Variants in COG2 observed in about 807,000 individuals in gnomAD.
COG2 encodes the protein component of oligomeric golgi complex 2.
COG2 carries 52 observed loss-of-function variants against 90.6 expected under a neutral mutation model. The observed-to-expected ratio is 0.57, with a 90% CI of 0.46 to 0.72. The LOEUF (loss-of-function observed/expected upper bound fraction) is 0.72. Among genes scored for constraint, COG2 ranks in the 30% least tolerant of loss-of-function variants. The pLI, the probability that COG2 is intolerant of heterozygous loss-of-function variation, is 0.00. For synonymous variants in COG2, 337 were observed against 320.4 expected (o/e 1.05, Z -0.55); for missense variants, 829 against 891.2 (o/e 0.93, Z 0.89).
chr1:230,687,197 G>T lies in COG2; in HGVS notation c.1578+65G>T, dbSNP rs750561221. Reference sequence around the variant, plus strand: ...AATGTTTTCACAGAAGGTAGTATGTGTAAAAGGCAAACACCACTGGGCCTT... The same window carrying T: ...AATGTTTTCACAGAAGGTAGTATGTTTAAAAGGCAAACACCACTGGGCCTT... On this transcript the variant is annotated intron_variant, in intron 13 of 17. Transcript: ENST00000366669. The T allele has an allele frequency of 5.5e-4, 803 of 1,450,942 alleles. 1 individual carries two copies. The highest frequency in any genetic ancestry group is 6.7e-4 in the Non-Finnish European group (712 of 1,058,032). The allele number at this position is 1,450,942 out of a possible 1,614,324, so 89.9% of individuals were successfully genotyped here.
At chr1:230,651,280 C>T (rs540615796) in intron 1 of COG2, among the ~76,000 whole-genome samples, 1 of 152,170 alleles carries the variant, frequency 6.6e-6, no homozygotes, top group Non-Finnish European at 1.5e-5. Context: ...TACTTTTTGA[C>T]GTTCAGCATG....
Position 230,664,540 on chromosome 1 carries a change from C to A in COG2, c.438C>A (p.Ile146=). ...VIRSVEKIEK[I]LNSQSSKETS... ...GGTCAGTTGAGAAAATTGAAAAAAT[C>A]TTAAACTCTCAAAGTTCTAAAGAAA... is the stretch of plus-strand genomic sequence containing the variant. The change falls in exon 5 of 18, where the codon ATC becomes ATA. Residue 146 remains isoleucine (I), a synonymous_variant. Coordinates refer to ENST00000366669, the MANE Select transcript of COG2 (RefSeq NM_007357.3). The A allele has an allele frequency of 6.3e-7, 1 of 1,583,654 alleles. No homozygotes were observed. The highest frequency in any genetic ancestry group is 2.3e-5 in the East Asian group (1 of 44,094).
intron 1 of COG2, among the ~76,000 whole-genome samples, chr1:230,646,519 G>A (rs764097335): frequency 2.6e-5 from 4 of 151,992 alleles, no homozygotes; most frequent in Admixed American, 2.6e-4. Context: ...TGCACTTTCC[G>A]CAGGTGACCC....
intron 5 of COG2, among the ~76,000 whole-genome samples, chr1:230,664,836 G>T (rs893159261): frequency 1.3e-5 from 2 of 152,182 alleles, no homozygotes; most frequent in African/African-American, 4.8e-5. Flanking sequence ...TGTACTTTCT[G>T]TGGAAGGTTT....
chr1:230,669,231 GTTA>G (rs1244935466), intron 6 of COG2, 122 bp from the exon 7 acceptor site: 2 of 828,130 alleles, frequency 2.4e-6, no homozygotes, highest in East Asian at 2.5e-5. Flanking sequence ...TCCAGGAAAA[GTTA>G]TTATTTTGAT....
intron 1 of COG2, among the ~76,000 whole-genome samples, chr1:230,647,429 A>G (rs1661814632): frequency 6.6e-6 from 1 of 152,212 alleles, no homozygotes; most frequent in Non-Finnish European, 1.5e-5. Context: ...ATTGAATAGC[A>G]GTGACCTGGA....
At chr1:230,678,807 G>A (rs1662661349) in intron 9 of COG2, 106 bp from the exon 10 acceptor site, 1 of 1,576,836 alleles carries the variant, frequency 6.3e-7, no homozygotes. Context: ...TAGAAACTGT[G>A]ATTCTTACGT....
chr1:230,662,155 C>A (rs1329481869), intron 3 of COG2, among the ~76,000 whole-genome samples: 1 of 152,124 alleles, frequency 6.6e-6, no homozygotes, highest in Non-Finnish European at 1.5e-5. Flanking sequence ...CTTTTCCTTG[C>A]CACCTGCCAG....
At chr1:230,686,721 G>A (rs1250925240) in intron 12 of COG2, among the ~76,000 whole-genome samples, 1 of 152,100 alleles carries the variant, frequency 6.6e-6, no homozygotes, top group East Asian at 1.9e-4. Flanking sequence ...GAAGGTAAAT[G>A]TACCTGGGGC....
chr1:230,686,990 T>A lies in COG2; in HGVS notation c.1436T>A (p.Val479Glu). Residue 479 changes from valine to glutamate, a missense_variant, in exon 13 of 18, where the codon GTA (valine) becomes GAA (glutamate). Coordinates refer to ENST00000366669, the MANE Select transcript of COG2 (RefSeq NM_007357.3). ...CCCAAGGAGATCAAGAAACCTTTGG[T>A]AACTGGTAGCAAAGAACCTTCCATC... ...ESPKEIKKPL[V>E]TGSKEPSITQ... The A allele has an allele frequency of 2.5e-6, 4 of 1,605,196 alleles. No individual in the cohort carries two copies. Among genetic ancestry groups the A allele is most frequent in the Non-Finnish European group, 3.4e-6 (4 of 1,174,340 alleles).
chr1:230,644,873 TATTTC>T (rs373757131), intron 1 of COG2, among the ~76,000 whole-genome samples: 10 of 152,308 alleles, frequency 6.6e-5, no homozygotes, highest in African/African-American at 2.4e-4. Context: ...CTTAAAAAGT[TATTTC>T]AGTGGTTTTT....
At chr1:230,657,680 T>C (rs1365798584) in intron 1 of COG2, among the ~76,000 whole-genome samples, 1 of 152,184 alleles carries the variant, frequency 6.6e-6, no homozygotes, top group Admixed American at 6.5e-5. Context: ...TGGTTCCATT[T>C]TCCCCGTCAC....
intron 5 of COG2, among the ~76,000 whole-genome samples, chr1:230,667,558 A>C (rs1174188482): frequency 6.6e-6 from 1 of 152,240 alleles, no homozygotes; most frequent in Non-Finnish European, 1.5e-5. Flanking sequence ...ATTACTGAAT[A>C]GTAGATATAC....
chr1:230,645,829 C>T (rs1661759954), intron 1 of COG2, among the ~76,000 whole-genome samples: 1 of 152,022 alleles, frequency 6.6e-6, no homozygotes, highest in Admixed American at 6.6e-5. Flanking sequence ...AACCTAGATC[C>T]CTCGCATGTG....
Position 230,690,089 on chromosome 1 carries a change from G to T in COG2, c.1870G>T (p.Asp624Tyr). 6.2e-7 allele frequency: 1 copy of T among 1,613,446 alleles called. No individual in the cohort carries two copies. Among genetic ancestry groups the T allele is most frequent in the Admixed American group, 1.7e-5 (1 of 59,930 alleles). ...ATTCCAGCTTCAGAGCGGACACAAGGATAAGCTCAAACAAGCAATAATTCA... is the reference window on the plus strand; with the variant it reads ...ATTCCAGCTTCAGAGCGGACACAAGTATAAGCTCAAACAAGCAATAATTCA... ...PLFQLQSGHK[D>Y]KLKQAIIQQW... The change falls in exon 16 of 18, where the codon GAT becomes TAT. Residue 624 changes from aspartate to tyrosine, a missense_variant. By Grantham distance (160) the Asp-to-Tyr change is radical. Coordinates refer to ENST00000366669, the MANE Select transcript of COG2 (RefSeq NM_007357.3).
chr1:230,686,877 TA>T, intron 12 of COG2, 57 bp from the exon 13 acceptor site: 1 of 1,135,644 alleles, frequency 8.8e-7, no homozygotes, highest in East Asian at 2.4e-5. Context: ...ATGTAATATA[TA>T]AATGCTCATG....
chr1:230,659,149 T>C (rs1371607428), intron 1 of COG2, among the ~76,000 whole-genome samples: 3 of 152,236 alleles, frequency 2.0e-5, no homozygotes, highest in Non-Finnish European at 4.4e-5. Flanking sequence ...CATTTGTTAC[T>C]TTAAAATTAA....
intron 10 of COG2, 59 bp downstream of exon 10, chr1:230,679,111 A>T: frequency 6.6e-7 from 1 of 1,518,856 alleles, no homozygotes; most frequent in Non-Finnish European, 8.9e-7. Flanking sequence ...TTGGAATGCC[A>T]GTTAAGGATG....
chr1:230,654,589 T>C (rs1021190049), intron 1 of COG2, among the ~76,000 whole-genome samples: 1 of 152,074 alleles, frequency 6.6e-6, no homozygotes, highest in African/African-American at 2.4e-5. Flanking sequence ...TTGTCTTGGC[T>C]ATGCGAGCTC....
Sources: gnomAD v4.1 joint callset for allele counts (sites outside exome capture counted in the v4.1 genomes callset) on GRCh38, gnomAD v4.1.1 for gene constraint, MANE v1.5 for transcripts, NCBI Gene and HGNC (gene_info 2026-07-23, HGNC 2026-07-21) for gene names.